Variants in NRCAM observed in about 807,000 individuals in gnomAD.
NRCAM encodes neuronal cell adhesion molecule.
NRCAM carries 83 observed loss-of-function variants against 156.5 expected under a neutral mutation model. The ratio of observed to expected loss-of-function variants is 0.53; its 90% CI spans 0.44 to 0.64. The LOEUF (loss-of-function observed/expected upper bound fraction) is 0.64. Among genes scored for constraint, NRCAM ranks in the 30% least tolerant of loss-of-function variants. The pLI, the probability that NRCAM is intolerant of heterozygous loss-of-function variation, is 0.00. For synonymous variants in NRCAM, 538 were observed against 563.9 expected (o/e 0.95, Z 0.65); for missense variants, 1,417 against 1,597.3 (o/e 0.89, Z 1.92).
Position 108,216,428 on chromosome 7 carries a change from C to A in NRCAM, c.891-6823G>T, listed in dbSNP as rs2088941239. Among the ~76,000 whole-genome samples the A allele has an allele frequency of 1.3e-5, 2 of 152,046 alleles. 1 individual carries two copies. Among genetic ancestry groups the A allele is most frequent in the Admixed American group, 1.3e-4 (2 of 15,276 alleles). The stretch of plus-strand genomic sequence containing the variant: ...TCTTGAGGAGTATCTTTGTGGTGTT[C>A]TCTGTATTTCCTGAATTTGAATGTT... On this transcript the variant is annotated intron_variant, in intron 11 of 32. Transcript: ENST00000379028.
chr7:108,358,974 A>G (rs2099528779), intron 2 of NRCAM, among the ~76,000 whole-genome samples: 1 of 152,218 alleles, frequency 6.6e-6, no homozygotes, highest in Non-Finnish European at 1.5e-5. Context: ...AGATATGTCT[A>G]TAAGCTCAGG....
intron 11 of NRCAM, among the ~76,000 whole-genome samples, chr7:108,212,377 T>C (rs543474972): frequency 2.1e-4 from 32 of 152,062 alleles, no homozygotes; most frequent in Non-Finnish European, 1.0e-4. Flanking sequence ...TCACCAGCAA[T>C]GGATCCAAAC....
At chr7:108,287,003 A>T (rs2098123571) in intron 3 of NRCAM, among the ~76,000 whole-genome samples, 1 of 152,164 alleles carries the variant, frequency 6.6e-6, no homozygotes, top group Non-Finnish European at 1.5e-5. Context: ...ACACTGGGGA[A>T]AGGACACTTT....
At chr7:108,277,050 T>C (rs1303492693) in intron 3 of NRCAM, among the ~76,000 whole-genome samples, 1 of 152,214 alleles carries the variant, frequency 6.6e-6, no homozygotes, top group African/African-American at 2.4e-5. Flanking sequence ...TTTAAGAATG[T>C]TGAATATTGG....
chr7:108,243,883 T>C (rs2095711172), intron 3 of NRCAM, among the ~76,000 whole-genome samples: 1 of 152,218 alleles, frequency 6.6e-6, no homozygotes, highest in African/African-American at 2.4e-5. Flanking sequence ...CTTTTCATCA[T>C]TGAAAAGAAA....
chr7:108,328,224 A>G (rs2099090446), intron 2 of NRCAM, among the ~76,000 whole-genome samples: 1 of 152,212 alleles, frequency 6.6e-6, no homozygotes, highest in Non-Finnish European at 1.5e-5. Context: ...CCAATAGCAC[A>G]CAAAATAAAA....
chr7:108,208,037 T>G (rs138458927), intron 12 of NRCAM, among the ~76,000 whole-genome samples: 106 of 151,968 alleles, frequency 7.0e-4, no homozygotes, highest in African/African-American at 2.4e-3. Context: ...CTCATGCCTG[T>G]AATCCCAACA....
intron 1 of NRCAM, among the ~76,000 whole-genome samples, chr7:108,455,837 C>T (rs1226569790): frequency 6.6e-6 from 1 of 152,142 alleles, no homozygotes; most frequent in Non-Finnish European, 1.5e-5. Flanking sequence ...GCCCGGGAAG[C>T]CGCCGTGCCG....
chr7:108,270,551 T>G (rs2097305126), intron 3 of NRCAM, among the ~76,000 whole-genome samples: 1 of 152,178 alleles, frequency 6.6e-6, no homozygotes, highest in Admixed American at 6.5e-5. Context: ...CACAAATAAC[T>G]ATACTAATTC....
intron 2 of NRCAM, among the ~76,000 whole-genome samples, chr7:108,344,990 T>C (rs1442849176): frequency 2.6e-5 from 4 of 152,154 alleles, no homozygotes; most frequent in African/African-American, 9.7e-5. Context: ...ATCAATAGAA[T>C]AGGATTCAAC....
At chr7:108,305,745 A>G (rs1210777531) in intron 3 of NRCAM, among the ~76,000 whole-genome samples, 1 of 152,198 alleles carries the variant, frequency 6.6e-6, no homozygotes. Context: ...AATTCAAGGC[A>G]AACCAAGAAA....
chr7:108,412,009 T>G (rs1795995958), intron 1 of NRCAM, among the ~76,000 whole-genome samples: 1 of 152,228 alleles, frequency 6.6e-6, no homozygotes, highest in African/African-American at 2.4e-5. Flanking sequence ...CAAAATGGAA[T>G]TTTTGGTTCA....
intron 26 of NRCAM, 200 bp from the exon 27 acceptor site, chr7:108,176,806 A>T (rs401872): frequency 0.74 from 350,874 of 473,780 alleles, 133,269 homozygotes; most frequent in East Asian, 0.93. Context: ...ATCATATCAT[A>T]TCATATCATA....
At chr7:108,410,002 C>T (rs1008743661) in intron 1 of NRCAM, among the ~76,000 whole-genome samples, 2 of 152,172 alleles carry the variant, frequency 1.3e-5, no homozygotes, top group African/African-American at 2.4e-5. Flanking sequence ...ATTCCTGCCA[C>T]CACCTTGTTT....
At chr7:108,412,509 G>A (rs902016851) in intron 1 of NRCAM, among the ~76,000 whole-genome samples, 1 of 152,056 alleles carries the variant, frequency 6.6e-6, no homozygotes, top group Non-Finnish European at 1.5e-5. Context: ...GCTAAATCAA[G>A]CTAATAAATA....
At chr7:108,176,315 T>C in intron 27 of NRCAM, 115 bp downstream of exon 27, 3 of 853,068 alleles carry the variant, frequency 3.5e-6, no homozygotes, top group African/African-American at 1.7e-5. Context: ...CAAATAAGTG[T>C]TTGCGTTAAT....
chr7:108,327,284 G>A (rs960006841), intron 2 of NRCAM, among the ~76,000 whole-genome samples: 5 of 152,272 alleles, frequency 3.3e-5, no homozygotes, highest in Admixed American at 1.3e-4. Context: ...CTAATAAGAC[G>A]TGCTCTCTTT....
At chr7:108,425,150 A>AT (rs1262836360) in intron 1 of NRCAM, among the ~76,000 whole-genome samples, 2 of 152,138 alleles carry the variant, frequency 1.3e-5, no homozygotes, top group African/African-American at 2.4e-5. Context: ...CTTTCATCAG[A>AT]TTTTTTAAAA....
chr7:108,196,239 C>A (rs551417335), intron 14 of NRCAM, among the ~76,000 whole-genome samples: 1 of 152,044 alleles, frequency 6.6e-6, no homozygotes. Flanking sequence ...TGGGTAGGAA[C>A]GGTGGGGAAC....
Sources: allele counts gnomAD v4.1 joint callset (sites outside exome capture counted in the v4.1 genomes callset), GRCh38; gene constraint gnomAD v4.1.1; transcripts MANE v1.5; gene names NCBI Gene and HGNC (gene_info 2026-07-23, HGNC 2026-07-21).